Variants in TEX36 observed in about 807,000 individuals in gnomAD.
TEX36 encodes testis-expressed protein 36.
A neutral mutation model predicts 13.6 loss-of-function variants in TEX36; 12 were observed. The ratio of observed to expected loss-of-function variants is 0.88; its 90% confidence interval spans 0.56 to 1.43. The LOEUF (loss-of-function observed/expected upper bound fraction) is 1.43, where lower values mean the gene tolerates loss of function less well. Ranked by LOEUF, TEX36 falls within the 40% of genes most tolerant of loss-of-function variation. The pLI is 0.00. For synonymous variants in TEX36, 93 were observed against 83.0 expected, an observed-to-expected ratio of 1.12 and a Z score of -0.65; for missense variants, 224 against 228.3, an observed-to-expected ratio of 0.98 and a Z score of 0.12.
At chr10:125,598,329 G>A (rs1192238248) in intron 3 of TEX36, among the ~76,000 whole-genome samples, 2 of 152,214 alleles carry the variant, frequency 1.3e-5, no homozygotes, top group African/African-American at 4.8e-5. Flanking sequence ...GGAGGAAACA[G>A]GATTACAAAA....
chr10:125,635,309 T>C (rs533539710), intron 3 of TEX36, among the ~76,000 whole-genome samples: 35 of 152,302 alleles, frequency 2.3e-4, no homozygotes, highest in Admixed American at 2.2e-3. Context: ...TTGAAAAACG[T>C]TGTGCATTCA....
intron 3 of TEX36, among the ~76,000 whole-genome samples, chr10:125,603,995 C>T (rs1306636877): frequency 1.3e-5 from 2 of 152,172 alleles, no homozygotes; most frequent in Admixed American, 6.5e-5. Flanking sequence ...AGTCCAGCCT[C>T]CCCCGGGACC....
chr10:125,594,509 T>C (rs185795925), intron 3 of TEX36, among the ~76,000 whole-genome samples: 1 of 152,344 alleles, frequency 6.6e-6, no homozygotes, highest in East Asian at 1.9e-4. Flanking sequence ...AAGCCCACAT[T>C]AGAGTTTAGC....
chr10:125,623,314 G>C (rs1190324483), intron 3 of TEX36, among the ~76,000 whole-genome samples: 1 of 152,024 alleles, frequency 6.6e-6, no homozygotes, highest in Non-Finnish European at 1.5e-5. Flanking sequence ...CCACATTGAG[G>C]GTAGGTCCTC....
chr10:125,590,857 A>G (rs1339941418), intron 3 of TEX36, among the ~76,000 whole-genome samples: 1 of 152,216 alleles, frequency 6.6e-6, no homozygotes, highest in Non-Finnish European at 1.5e-5. Context: ...ATATTGATAT[A>G]TATACATATT....
At chr10:125,581,127 C>T (rs1845876409) in intron 3 of TEX36, among the ~76,000 whole-genome samples, 1 of 152,136 alleles carries the variant, frequency 6.6e-6, no homozygotes, top group Non-Finnish European at 1.5e-5. Context: ...ATCTCAAGTC[C>T]CCACATGTTT....
exon 4 of TEX36, chr10:125,576,780 A>G (rs775802374): frequency 1.3e-6 from 2 of 1,535,564 alleles, no homozygotes; most frequent in African/African-American, 1.4e-5. Context: ...ATTAGTTCTC[A>G]GGCCTGGATG....
intron 3 of TEX36, among the ~76,000 whole-genome samples, chr10:125,580,546 G>C (rs1320993518): frequency 6.6e-6 from 1 of 152,154 alleles, no homozygotes; most frequent in Non-Finnish European, 1.5e-5. Flanking sequence ...CTGCTGGAGG[G>C]AAGAAAAGAG....
At chr10:125,676,997 T>A (rs1847323324) in intron 1 of TEX36, among the ~76,000 whole-genome samples, 1 of 152,256 alleles carries the variant, frequency 6.6e-6, no homozygotes, top group African/African-American at 2.4e-5. Flanking sequence ...CTGGCAGTTT[T>A]TTCTTTCAGC....
intron 1 of TEX36, among the ~76,000 whole-genome samples, chr10:125,664,109 C>G (rs770437308): frequency 7.9e-5 from 12 of 152,158 alleles, no homozygotes; most frequent in Non-Finnish European, 1.8e-4. Flanking sequence ...CCTTTCTATA[C>G]CTGGCTTATT....
intron 3 of TEX36, among the ~76,000 whole-genome samples, chr10:125,624,067 C>A (rs1846457578): frequency 6.6e-6 from 1 of 152,208 alleles, no homozygotes; most frequent in African/African-American, 2.4e-5. Context: ...GATTTATCTG[C>A]AGTAACTTTT....
chr10:125,608,868 C>G (rs764063077), intron 3 of TEX36, among the ~76,000 whole-genome samples: 8 of 150,970 alleles, frequency 5.3e-5, no homozygotes, highest in African/African-American at 2.0e-4. Flanking sequence ...GGCGCGGTGG[C>G]TAACACCTGT....
At chr10:125,606,465 T>C (rs879514648) in intron 3 of TEX36, among the ~76,000 whole-genome samples, 4 of 152,222 alleles carry the variant, frequency 2.6e-5, no homozygotes, top group Non-Finnish European at 5.9e-5. Context: ...CAAATCAGTA[T>C]CAACCTGACC....
chr10:125,671,825 T>G (rs1847236510), intron 1 of TEX36, among the ~76,000 whole-genome samples: 1 of 151,312 alleles, frequency 6.6e-6, no homozygotes, highest in Non-Finnish European at 1.5e-5. Flanking sequence ...ATTGGTCTAT[T>G]CAGGGATTCA....
chr10:125,627,065 C>T (rs1165922834), intron 3 of TEX36, among the ~76,000 whole-genome samples: 1 of 152,190 alleles, frequency 6.6e-6, no homozygotes, highest in Non-Finnish European at 1.5e-5. Flanking sequence ...TAATTTAAAT[C>T]CTTCTTTGCC....
At chr10:125,675,104 C>A (rs183447567) in intron 1 of TEX36, among the ~76,000 whole-genome samples, 1 of 152,140 alleles carries the variant, frequency 6.6e-6, no homozygotes, top group Admixed American at 6.5e-5. Context: ...TGTCCTTAAA[C>A]CCCTGGCTGG....
At chr10:125,651,385 A>G (rs1274422811), downstream of TEX36, among the ~76,000 whole-genome samples, 1 of 152,214 alleles carries the variant, frequency 6.6e-6, no homozygotes, top group Non-Finnish European at 1.5e-5. Flanking sequence ...AACAAAACCA[A>G]AGACAAAAAC....
chr10:125,654,219 C>T (rs376405636), downstream of TEX36, among the ~76,000 whole-genome samples: 13 of 151,818 alleles, frequency 8.6e-5, no homozygotes, highest in African/African-American at 7.3e-5. Context: ...GAAGTTTAGC[C>T]GGTTTGCCAA....
At chr10:125,602,760 CT>C (rs751280915) in intron 3 of TEX36, among the ~76,000 whole-genome samples, 8 of 152,202 alleles carry the variant, frequency 5.3e-5, no homozygotes, top group Non-Finnish European at 8.8e-5. Context: ...TCCATCCAGA[CT>C]TTTAAAATTC....
Sources: gnomAD v4.1 joint callset for allele counts (sites outside exome capture counted in the v4.1 genomes callset) on GRCh38, gnomAD v4.1.1 for gene constraint, MANE v1.5 for transcripts, NCBI Gene and HGNC (gene_info 2026-07-23, HGNC 2026-07-21) for gene names.